Variants in DIP2C observed in about 807,000 individuals in gnomAD.
The protein encoded by DIP2C is DIP2 acetate--CoA ligase C (putative), also known as disco-interacting protein 2 homolog C.
Under a neutral mutation model 192.4 loss-of-function variants are expected in DIP2C, and 33 were observed. That is an observed-to-expected ratio of 0.17 (90% CI 0.13 to 0.23). The LOEUF (loss-of-function observed/expected upper bound fraction) is 0.23. DIP2C is among the 10% of genes least tolerant of loss of function. The pLI, the probability that DIP2C is intolerant of heterozygous loss-of-function variation, is 1.00. For missense variants in DIP2C, 1,537 were observed against 2,110.1 expected (o/e 0.73, Z 5.32); for synonymous variants, 979 against 864.1 (o/e 1.13, Z -2.33).
chr10:522,980 G>A (rs1402697091), intron 1 of DIP2C, among the ~76,000 whole-genome samples: 5 of 151,608 alleles, frequency 3.3e-5, no homozygotes, highest in Non-Finnish European at 7.4e-5. Flanking sequence ...CACTAAGGAC[G>A]CTGGAGTGAG....
chr10:621,498 C>T (rs1175641331), intron 1 of DIP2C, among the ~76,000 whole-genome samples: 1 of 151,090 alleles, frequency 6.6e-6, no homozygotes, highest in East Asian at 2.0e-4. Flanking sequence ...TGAGCACACA[C>T]CCCCCAGGGG....
chr10:306,913 G>A (rs1956349761), intron 32 of DIP2C, among the ~76,000 whole-genome samples: 1 of 152,184 alleles, frequency 6.6e-6, no homozygotes, highest in Non-Finnish European at 1.5e-5. Flanking sequence ...TGATTCCCAG[G>A]GTTGGAGGTG....
Position 369,906 on chromosome 10 carries a change from T to C in DIP2C, c.1992-273A>G, listed in dbSNP as rs577346876. On this transcript the variant is annotated intron_variant, in intron 17 of 36. Transcript: ENST00000280886. Reference sequence around the variant, plus strand: ...CGCAGCTCCTCTCCTGCCCCCTCTATGCAGGCCCTGCACAGACCAGCTCTC... The same window carrying C: ...CGCAGCTCCTCTCCTGCCCCCTCTACGCAGGCCCTGCACAGACCAGCTCTC... 5 of 1,347,114 alleles carry C rather than the reference T, an allele frequency of 3.7e-6. No individual in the cohort carries two copies. The East Asian group carries it at 1.6e-4, about 43-fold the overall frequency. The allele number at this position is 1,347,114 out of a possible 1,614,324, so 83.4% of individuals were successfully genotyped here.
chr10:642,269 C>T (rs1855230388), intron 1 of DIP2C, among the ~76,000 whole-genome samples: 1 of 152,188 alleles, frequency 6.6e-6, no homozygotes, highest in African/African-American at 2.4e-5. Context: ...TCCTCAGACC[C>T]ACCTGGAGGG....
At chr10:454,505 G>T (rs116743918) in intron 3 of DIP2C, among the ~76,000 whole-genome samples, 2 of 151,284 alleles carry the variant, frequency 1.3e-5, no homozygotes. Context: ...GATATTCAGG[G>T]ATAAAAGCAT....
chr10:681,040 C>T (rs1050120332), intron 1 of DIP2C, among the ~76,000 whole-genome samples: 3 of 151,396 alleles, frequency 2.0e-5, no homozygotes, highest in Non-Finnish European at 4.4e-5. Context: ...GGTACAGCTA[C>T]CGCCTGTGGC....
At chr10:548,646 G>C (rs11253126) in intron 1 of DIP2C, among the ~76,000 whole-genome samples, 1 of 151,134 alleles carries the variant, frequency 6.6e-6, no homozygotes, top group East Asian at 2.0e-4. Flanking sequence ...AGGAGATGTG[G>C]CCAGAGGTGA....
At chr10:362,378 C>CGCAAGCATCAGCTTCCT (rs1012509787) in intron 22 of DIP2C, 112 bp downstream of exon 22, 1 of 1,275,440 alleles carries the variant, frequency 7.8e-7, no homozygotes, top group African/African-American at 1.5e-5. Context: ...ACTTCTTTCC[C>CGCAAGCATCAGCTTCCT]GCAAGCATCA....
At chr10:382,247 C>G (rs1962435724) in intron 17 of DIP2C, among the ~76,000 whole-genome samples, 1 of 152,142 alleles carries the variant, frequency 6.6e-6, no homozygotes, top group Non-Finnish European at 1.5e-5. Flanking sequence ...ACCAGTAAAT[C>G]CCACAGCACA....
intron 14 of DIP2C, among the ~76,000 whole-genome samples, chr10:386,623 G>A (rs763556545): frequency 2.0e-5 from 3 of 152,190 alleles, no homozygotes; most frequent in Non-Finnish European, 2.9e-5. Flanking sequence ...GAAGCCAGCC[G>A]GGCTGCTCTG....
chr10:415,926 T>C, intron 6 of DIP2C, 38 bp from the exon 7 acceptor site: 10 of 1,612,512 alleles, frequency 6.2e-6, no homozygotes, highest in Non-Finnish European at 8.5e-6. Context: ...AAAGCGATCA[T>C]CACAGCTTCA....
intron 3 of DIP2C, among the ~76,000 whole-genome samples, chr10:471,406 G>A (rs903880928): frequency 3.3e-5 from 5 of 152,074 alleles, no homozygotes; most frequent in Admixed American, 6.6e-5. Flanking sequence ...AGGCTTCCTC[G>A]ACCACCAGGT....
chr10:399,134 G>A lies in DIP2C; in HGVS notation c.1235C>T (p.Pro412Leu). Residue 412 changes from proline (P) to leucine (L), a missense_variant, in exon 10 of 37, where the codon CCC becomes CTC. By Grantham distance (98) the Pro-to-Leu change is moderately conservative. This residue lies in a region of DIP2C where 677 missense variants were observed against 989.9 expected (regional missense o/e 0.68). Coordinates refer to ENST00000280886, the MANE Select transcript of DIP2C (RefSeq NM_014974.3). ...GCLLAEVVPVPIEVPLTRKDA... is the reference protein window; with the variant it reads ...GCLLAEVVPVLIEVPLTRKDA... ...CTTCCTGGTGAGCGGCACCTCGATG[G>A]GCACGGGGACCACCTCGGCCAGCAG... The A allele has an allele frequency of 6.2e-7, 1 of 1,613,854 alleles. No homozygotes were observed. Among genetic ancestry groups the A allele is most frequent in the Non-Finnish European group, 8.5e-7 (1 of 1,180,004 alleles).
chr10:291,204 G>A (rs1253184698), intron 32 of DIP2C, among the ~76,000 whole-genome samples: 1 of 152,190 alleles, frequency 6.6e-6, no homozygotes, highest in African/African-American at 2.4e-5. Context: ...TCCAGCCTCT[G>A]CCCCCATATT....
chr10:369,887 T>TC, intron 17 of DIP2C: 1 of 1,369,108 alleles, frequency 7.3e-7, no homozygotes, highest in Admixed American at 2.7e-5. Flanking sequence ...CCAACGCAGC[T>TC]CCTCTCCTGC....
intron 3 of DIP2C, among the ~76,000 whole-genome samples, chr10:464,352 AAAG>A (rs1258988549): frequency 1.3e-5 from 2 of 152,196 alleles, no homozygotes; most frequent in African/African-American, 4.8e-5. Context: ...ACACTTCTCA[AAAG>A]AAGACATTTA....
intron 1 of DIP2C, among the ~76,000 whole-genome samples, chr10:572,157 G>A (rs904156979): frequency 1.3e-5 from 2 of 152,210 alleles, no homozygotes; most frequent in Non-Finnish European, 2.9e-5. Context: ...CCGGGAGCTG[G>A]GGCCCTCGAC....
chr10:578,153 CTTCT>C (rs1249582300), intron 1 of DIP2C, among the ~76,000 whole-genome samples: 2 of 152,184 alleles, frequency 1.3e-5, no homozygotes, highest in Non-Finnish European at 2.9e-5. Context: ...TCCTAAATAT[CTTCT>C]TTCTCATCCT....
At chr10:648,338 G>A (rs1242763776) in intron 1 of DIP2C, among the ~76,000 whole-genome samples, 1 of 147,696 alleles carries the variant, frequency 6.8e-6, no homozygotes, top group Non-Finnish European at 1.5e-5. Context: ...CGTCCACATT[G>A]GATGGTGGGA....
Sources: allele counts gnomAD v4.1 joint callset (sites outside exome capture counted in the v4.1 genomes callset), GRCh38; gene constraint gnomAD v4.1.1; regional missense constraint gnomAD v4.1.1; transcripts MANE v1.5; gene names NCBI Gene and HGNC (gene_info 2026-07-23, HGNC 2026-07-21).